The following SGCZ variants were observed in gnomAD, a reference collection of about 807,000 sequenced individuals.
SGCZ encodes the protein zeta-sarcoglycan.
Under a neutral mutation model 41.3 loss-of-function variants are expected in SGCZ, and 40 were observed. The ratio of observed to expected loss-of-function variants is 0.97; its 90% CI spans 0.75 to 1.26. The LOEUF is 1.26. SGCZ is among the 50% of genes most tolerant of loss of function. SGCZ has a pLI of 0.00. For missense variants in SGCZ, 552 were observed against 369.8 expected (o/e 1.49, Z -4.04); for synonymous variants, 206 against 137.5 (o/e 1.50, Z -3.49).
At chr8:15,064,142 T>G (rs922291330) in intron 1 of SGCZ, among the ~76,000 whole-genome samples, 8 of 152,166 alleles carry the variant, frequency 5.3e-5, no homozygotes, top group Non-Finnish European at 8.8e-5. Context: ...CTGGGTGATT[T>G]TATTTATGGC....
chr8:14,928,367 G>A lies in SGCZ; in HGVS notation c.39+309218C>T, dbSNP rs1183797457. ...TGTCTGTGCTCAGGGAGAAAAGTGT[G>A]GTTACTCTTCTTACATTCTACAGAG... On this transcript the variant is annotated intron_variant, in intron 1 of 7. Transcript: ENST00000382080. 2.7e-5 allele frequency among the ~76,000 whole-genome samples: 4 copies of A among 150,172 alleles called. No individual in the cohort carries two copies. In the South Asian group the frequency reaches 6.4e-4, roughly 24 times the overall value.
At chr8:14,516,140 C>A (rs1209892188) in intron 2 of SGCZ, among the ~76,000 whole-genome samples, 1 of 149,046 alleles carries the variant, frequency 6.7e-6, no homozygotes, top group Non-Finnish European at 1.5e-5. Context: ...TGGTTTTTTT[C>A]TTTTTTGTAA....
chr8:14,254,521 G>A lies in SGCZ; in HGVS notation c.337-16842C>T, dbSNP rs535943042. Among the ~76,000 whole-genome samples, 10 of 152,188 alleles carry A rather than the reference G, an allele frequency of 6.6e-5. 1 individual carries two copies. Among genetic ancestry groups the A allele is most frequent in the African/African-American group, 2.4e-4 (10 of 41,528 alleles). ...AAGCAGTAAATGAAATGAATGAATA[G>A]TGTTAAAAAAGATTTTAAAAATTGA... is the stretch of plus-strand genomic sequence containing the variant. On this transcript the variant is annotated intron_variant, in intron 3 of 7. Coordinates refer to ENST00000382080, the MANE Select transcript of SGCZ (RefSeq NM_139167.4).
intron 1 of SGCZ, among the ~76,000 whole-genome samples, chr8:14,672,821 T>G (rs1563193467): frequency 6.6e-6 from 1 of 151,742 alleles, no homozygotes; most frequent in Admixed American, 6.6e-5. Flanking sequence ...TCATAGAGTA[T>G]GAATAAATGG....
At position 14,239,901 on chromosome 8, in the gene SGCZ, C is replaced by CAAAA. The variant is rs71209029; in HGVS notation, c.337-2226_337-2223dup. On this transcript the variant is annotated intron_variant, in intron 3 of 7. Coordinates refer to ENST00000382080, the MANE Select transcript of SGCZ (RefSeq NM_139167.4). ...TGGGCGACAGAGCGAGACTCCGTCT[C>CAAAA]AAAAAAAAAAAAAAAAAAAAAAAAA... Among the ~76,000 whole-genome samples, 109 of 41,368 alleles carry CAAAA rather than the reference C, an allele frequency of 2.6e-3. 7 individuals are homozygous for CAAAA. Among genetic ancestry groups the CAAAA allele is most frequent in the African/African-American group, 0.023 (97 of 4,296 alleles). The allele number at this position is 41,368 out of a possible 152,430, so 27.1% of individuals were successfully genotyped here. A position where few individuals can be genotyped will look rare whatever the true frequency, so the allele number is the denominator to read the frequency against.
intron 3 of SGCZ, among the ~76,000 whole-genome samples, chr8:14,268,892 TAAATA>T (rs1436964827): frequency 6.6e-6 from 1 of 151,736 alleles, no homozygotes; most frequent in Non-Finnish European, 1.5e-5. Context: ...GAGAAAACTT[TAAATA>T]AAATAATTGA....
At chr8:14,495,173 A>T (rs1001694133) in intron 2 of SGCZ, among the ~76,000 whole-genome samples, 1 of 152,184 alleles carries the variant, frequency 6.6e-6, no homozygotes, top group Non-Finnish European at 1.5e-5. Context: ...GAGGAATAAG[A>T]GTTCCTGCTT....
chr8:14,930,611 A>T (rs992061731), intron 1 of SGCZ, among the ~76,000 whole-genome samples: 2 of 152,050 alleles, frequency 1.3e-5, no homozygotes, highest in Non-Finnish European at 2.9e-5. Context: ...GATAGACCGG[A>T]TAAAGAAAAT....
chr8:14,580,135 A>G (rs1563129365), intron 1 of SGCZ, among the ~76,000 whole-genome samples: 1 of 152,204 alleles, frequency 6.6e-6, no homozygotes, highest in Non-Finnish European at 1.5e-5. Context: ...ATAATCACAA[A>G]CACAGAATTG....
At chr8:14,454,732 C>T (rs1416652593) in intron 2 of SGCZ, among the ~76,000 whole-genome samples, 1 of 152,064 alleles carries the variant, frequency 6.6e-6, no homozygotes, top group African/African-American at 2.4e-5. Context: ...GACTCATGTG[C>T]AAATGTACCT....
chr8:14,772,510 G>C (rs1800274594), intron 1 of SGCZ, among the ~76,000 whole-genome samples: 2 of 150,170 alleles, frequency 1.3e-5, no homozygotes, highest in African/African-American at 4.9e-5. Context: ...CATGTGCCAT[G>C]CTGCTGTGCT....
chr8:14,674,690 A>T (rs1808213480), intron 1 of SGCZ, among the ~76,000 whole-genome samples: 1 of 151,892 alleles, frequency 6.6e-6, no homozygotes, highest in Admixed American at 6.6e-5. Flanking sequence ...TTTCTCATAA[A>T]CGGTTTAGCT....
At chr8:14,980,455 T>C in intron 1 of SGCZ, among the ~76,000 whole-genome samples, 1 of 152,250 alleles carries the variant, frequency 6.6e-6, no homozygotes, top group Non-Finnish European at 1.5e-5. Flanking sequence ...TATCTATCTG[T>C]GTTAGTCTGT....
intron 2 of SGCZ, among the ~76,000 whole-genome samples, chr8:14,460,735 T>C (rs1274754666): frequency 6.6e-6 from 1 of 152,196 alleles, no homozygotes; most frequent in Non-Finnish European, 1.5e-5. Context: ...GTGTAGTGTT[T>C]CAAAAGGTAC....
intron 1 of SGCZ, among the ~76,000 whole-genome samples, chr8:15,159,528 T>G (rs1799437912): frequency 6.6e-6 from 1 of 152,020 alleles, no homozygotes; most frequent in Non-Finnish European, 1.5e-5. Context: ...TACTTCCAGG[T>G]AGATGCTGCC....
At chr8:14,206,981 G>C (rs1441037544) in intron 4 of SGCZ, among the ~76,000 whole-genome samples, 1 of 152,058 alleles carries the variant, frequency 6.6e-6, no homozygotes, top group East Asian at 1.9e-4. Context: ...GGACCCCTGA[G>C]GTTCCGTCAC....
chr8:15,105,058 A>G (rs2131088574), intron 1 of SGCZ, among the ~76,000 whole-genome samples: 1 of 152,312 alleles, frequency 6.6e-6, no homozygotes, highest in East Asian at 1.9e-4. Context: ...TGTCATTTTA[A>G]AAAATGTTTG....
chr8:15,162,245 T>C (rs1454180011), intron 1 of SGCZ, among the ~76,000 whole-genome samples: 2 of 151,110 alleles, frequency 1.3e-5, no homozygotes, highest in Non-Finnish European at 2.9e-5. Context: ...AGCTTTTGCA[T>C]TAATCAATAG....
chr8:14,593,613 C>T (rs1164100796), intron 1 of SGCZ, among the ~76,000 whole-genome samples: 1 of 151,786 alleles, frequency 6.6e-6, no homozygotes, highest in Non-Finnish European at 1.5e-5. Context: ...TAAGTGTTTC[C>T]AAAATATTAG....
Sources: gnomAD v4.1 joint callset for allele counts (sites outside exome capture counted in the v4.1 genomes callset) on GRCh38, gnomAD v4.1.1 for gene constraint, MANE v1.5 for transcripts, NCBI Gene and HGNC (gene_info 2026-07-23, HGNC 2026-07-21) for gene names.